The following NKAIN2 variants were observed in gnomAD, a reference collection of about 807,000 sequenced individuals.
NKAIN2 encodes the protein sodium/potassium transporting ATPase interacting 2.
Under a neutral mutation model 32.6 loss-of-function variants are expected in NKAIN2, and 14 were observed. The ratio of observed to expected loss-of-function variants is 0.43; its 90% confidence interval spans 0.28 to 0.67. The LOEUF (loss-of-function observed/expected upper bound fraction) is 0.67. Among genes scored for constraint, NKAIN2 ranks in the 30% least tolerant of loss-of-function variants. The pLI is 0.17. For missense variants in NKAIN2, 198 were observed against 258.3 expected, an observed-to-expected ratio of 0.77 and a Z score of 1.60; for synonymous variants, 80 against 87.2, an observed-to-expected ratio of 0.92 and a Z score of 0.46.
At chr6:123,818,407 A>G (rs928309981) in intron 1 of NKAIN2, among the ~76,000 whole-genome samples, 1 of 150,922 alleles carries the variant, frequency 6.6e-6, no homozygotes, top group African/African-American at 2.4e-5. Context: ...ACACAGAGGA[A>G]TCATAACCAG....
chr6:124,526,165 T>C (rs1779305138), intron 3 of NKAIN2, among the ~76,000 whole-genome samples: 1 of 151,996 alleles, frequency 6.6e-6, no homozygotes, highest in Non-Finnish European at 1.5e-5. Flanking sequence ...GCAAGCAATA[T>C]GAATGAGATC....
At chr6:123,967,294 A>G (rs1384498520) in intron 1 of NKAIN2, among the ~76,000 whole-genome samples, 2 of 152,176 alleles carry the variant, frequency 1.3e-5, no homozygotes, top group Non-Finnish European at 2.9e-5. Flanking sequence ...TGAAATTGCA[A>G]ATACTCTTCA....
Position 124,199,323 on chromosome 6 carries a change from C to T in NKAIN2, c.55-83682C>T, listed in dbSNP as rs565783887. On this transcript the variant is annotated intron_variant, in intron 1 of 6. Coordinates refer to ENST00000368417, the MANE Select transcript of NKAIN2 (RefSeq NM_001040214.3). ...GATACGGTGTAATCTTTTAAAGAAT[C>T]ATGAAAGGTGAATGCGAGATCTGGC... 1.1e-3 allele frequency among the ~76,000 whole-genome samples: 171 copies of T among 152,300 alleles called. 1 individual carries two copies. The highest frequency in any genetic ancestry group is 4.0e-3 in the African/African-American group (166 of 41,586).
chr6:124,277,958 A>G (rs943859158), intron 1 of NKAIN2, among the ~76,000 whole-genome samples: 19 of 151,992 alleles, frequency 1.3e-4, no homozygotes, highest in African/African-American at 4.6e-4. Context: ...GTTTTATTTT[A>G]TATTATTTGT....
At chr6:124,129,394 T>A (rs539298572) in intron 1 of NKAIN2, among the ~76,000 whole-genome samples, 8 of 152,308 alleles carry the variant, frequency 5.3e-5, no homozygotes, top group Non-Finnish European at 5.9e-5. Context: ...CAGATGTGCC[T>A]ACAAAGCTAT....
intron 3 of NKAIN2, among the ~76,000 whole-genome samples, chr6:124,629,976 G>A (rs1041444860): frequency 3.9e-5 from 6 of 152,232 alleles, no homozygotes; most frequent in South Asian, 4.1e-4. Context: ...AGGACTACAA[G>A]GCCCAGGATC....
At chr6:123,928,131 A>G (rs1776089962) in intron 1 of NKAIN2, among the ~76,000 whole-genome samples, 1 of 152,206 alleles carries the variant, frequency 6.6e-6, no homozygotes, top group East Asian at 1.9e-4. Context: ...CATTATCCTA[A>G]GCCATTACTA....
chr6:124,410,627 A>T (rs540662856), intron 3 of NKAIN2, among the ~76,000 whole-genome samples: 36 of 152,266 alleles, frequency 2.4e-4, no homozygotes, highest in African/African-American at 8.2e-4. Flanking sequence ...CATGTGGTCA[A>T]TTTTGGAATA....
At chr6:124,528,957 G>C (rs1040764048) in intron 3 of NKAIN2, among the ~76,000 whole-genome samples, 2 of 152,132 alleles carry the variant, frequency 1.3e-5, no homozygotes, top group African/African-American at 4.8e-5. Context: ...TAGGAATAAA[G>C]CTACAGCTTC....
intron 3 of NKAIN2, among the ~76,000 whole-genome samples, chr6:124,390,043 T>C (rs1334620206): frequency 6.6e-6 from 1 of 152,090 alleles, no homozygotes; most frequent in Non-Finnish European, 1.5e-5. Flanking sequence ...CCTGACAAGA[T>C]ACAGTAGACT....
At chr6:123,840,728 G>T (rs1296848483) in intron 1 of NKAIN2, among the ~76,000 whole-genome samples, 2 of 151,796 alleles carry the variant, frequency 1.3e-5, no homozygotes, top group Non-Finnish European at 2.9e-5. Flanking sequence ...TGGCTTTTGG[G>T]GATCAAAAAG....
intron 1 of NKAIN2, among the ~76,000 whole-genome samples, chr6:123,973,077 A>C (rs983233457): frequency 4.6e-5 from 7 of 152,110 alleles, no homozygotes; most frequent in African/African-American, 1.7e-4. Flanking sequence ...AACCTAACTT[A>C]AACATTGACC....
At position 124,593,716 on chromosome 6, in the gene NKAIN2, G is replaced by A. The variant is rs1781990702; in HGVS notation, c.274-64470G>A. 2.0e-5 allele frequency among the ~76,000 whole-genome samples: 3 copies of A among 152,166 alleles called. No homozygotes were observed. The South Asian group carries it at 6.2e-4, about 31-fold the overall frequency. ...ATTTGAATTTCCGATCACTGTAGCT[G>A]CATTTTGAAAGCTTTTGCTAGACAT... On this transcript the variant is annotated intron_variant, in intron 3 of 6. Coordinates refer to ENST00000368417, the MANE Select transcript of NKAIN2 (RefSeq NM_001040214.3).
intron 2 of NKAIN2, among the ~76,000 whole-genome samples, chr6:124,292,777 C>A (rs1795878711): frequency 6.6e-6 from 1 of 152,102 alleles, no homozygotes; most frequent in South Asian, 2.1e-4. Context: ...GGCAGACTCT[C>A]ATCCCTATAC....
intron 4 of NKAIN2, among the ~76,000 whole-genome samples, chr6:124,771,912 A>G (rs1481827499): frequency 6.6e-6 from 1 of 152,162 alleles, no homozygotes; most frequent in Admixed American, 6.6e-5. Context: ...ATGTTAGAGG[A>G]GTTGCTAGAG....
At chr6:124,099,577 G>A (rs1784788912) in intron 1 of NKAIN2, among the ~76,000 whole-genome samples, 3 of 152,134 alleles carry the variant, frequency 2.0e-5, no homozygotes, top group Non-Finnish European at 4.4e-5. Flanking sequence ...CTCAATAAAT[G>A]GCTGTATTAA....
chr6:124,821,975 A>G (rs1304980346), intron 6 of NKAIN2, among the ~76,000 whole-genome samples: 1 of 152,156 alleles, frequency 6.6e-6, no homozygotes, highest in Non-Finnish European at 1.5e-5. Context: ...TTCTTTCCAA[A>G]TTCTTAGACA....
At chr6:124,176,324 G>A (rs544390968) in intron 1 of NKAIN2, among the ~76,000 whole-genome samples, 6 of 152,078 alleles carry the variant, frequency 3.9e-5, no homozygotes, top group South Asian at 2.1e-4. Flanking sequence ...ATTTAAAAAA[G>A]TATGCCCATA....
intron 5 of NKAIN2, among the ~76,000 whole-genome samples, chr6:124,814,177 C>A (rs1210375321): frequency 4.6e-5 from 7 of 152,144 alleles, no homozygotes; most frequent in Non-Finnish European, 8.8e-5. Flanking sequence ...TCTGTGCTGA[C>A]CCCCATAATC....
Sources: allele counts gnomAD v4.1 joint callset (sites outside exome capture counted in the v4.1 genomes callset), GRCh38; gene constraint gnomAD v4.1.1; transcripts MANE v1.5; gene names NCBI Gene and HGNC (gene_info 2026-07-23, HGNC 2026-07-21).